SCHIP1: variants seen among roughly 807,000 people sequenced by gnomAD.
The protein encoded by SCHIP1 is schwannomin-interacting protein 1.
In SCHIP1, 8 loss-of-function variants were observed where a neutral mutation model predicts 29.7. That is an observed-to-expected ratio of 0.27 (90% CI 0.16 to 0.49). The LOEUF is 0.49. Among genes scored for constraint, SCHIP1 ranks in the 20% least tolerant of loss-of-function variants. The pLI, the probability that SCHIP1 is intolerant of heterozygous loss-of-function variation, is 0.99. For synonymous variants in SCHIP1, 76 were observed against 94.9 expected (o/e 0.80, Z 1.16); for missense variants, 193 against 294.6 (o/e 0.66, Z 2.52).
chr3:159,765,466 G>T, the SCHIP1 span: 1 of 269,456 alleles, frequency 3.7e-6, no homozygotes, highest in Non-Finnish European at 6.9e-6. Flanking sequence ...AATAAATCCG[G>T]GGAGATTCTG....
chr3:159,451,823 C>G, the SCHIP1 span, among the ~76,000 whole-genome samples: 2 of 152,116 alleles, frequency 1.3e-5, no homozygotes, highest in African/African-American at 4.8e-5. Context: ...GCTGTGAGAG[C>G]TGAGGAGAAA....
chr3:159,437,606 A>AG, the SCHIP1 span, among the ~76,000 whole-genome samples: 2 of 151,866 alleles, frequency 1.3e-5, no homozygotes, highest in Non-Finnish European at 2.9e-5. Context: ...GAGACGGTGG[A>AG]GGGGGAAATT....
At chr3:159,750,296 TAC>T in the SCHIP1 span, among the ~76,000 whole-genome samples, 1,603 of 132,524 alleles carry the variant, frequency 0.012, 33 homozygotes, top group African/African-American at 0.043. Flanking sequence ...TATATATATA[TAC>T]ACACACACAC....
the SCHIP1 span, among the ~76,000 whole-genome samples, chr3:159,785,577 T>TG: frequency 7.5e-6 from 1 of 133,784 alleles, no homozygotes; most frequent in African/African-American, 3.1e-5. Flanking sequence ...ATAGTTTTGT[T>TG]GGTTTTTTTT....
At chr3:159,585,225 C>A in the SCHIP1 span, among the ~76,000 whole-genome samples, 1,879 of 152,088 alleles carry the variant, frequency 0.012, 31 homozygotes, top group African/African-American at 0.043. Context: ...ACAAGGGCAA[C>A]AATCTTTGCT....
At chr3:159,451,319 C>A in the SCHIP1 span, among the ~76,000 whole-genome samples, 3 of 152,164 alleles carry the variant, frequency 2.0e-5, no homozygotes, top group Non-Finnish European at 4.4e-5. Flanking sequence ...TGCCAGTGGG[C>A]AAGAGTGTTA....
the SCHIP1 span, among the ~76,000 whole-genome samples, chr3:159,689,683 A>G: frequency 3.3e-5 from 5 of 152,336 alleles, 1 homozygote; most frequent in Admixed American, 3.3e-4. Flanking sequence ...GCCAGTTTTC[A>G]AAGAGAATGC....
At chr3:159,403,067 T>C in the SCHIP1 span, among the ~76,000 whole-genome samples, 1 of 152,180 alleles carries the variant, frequency 6.6e-6, no homozygotes, top group Non-Finnish European at 1.5e-5. Flanking sequence ...CCAGGGACTC[T>C]GAAACTGACA....
the SCHIP1 span, among the ~76,000 whole-genome samples, chr3:159,304,415 A>G: frequency 1.3e-5 from 2 of 152,244 alleles, no homozygotes; most frequent in Admixed American, 1.3e-4. Context: ...ATAGTCCATA[A>G]TTTCCTTAAT....
chr3:159,391,947 T>G, the SCHIP1 span, among the ~76,000 whole-genome samples: 3 of 152,160 alleles, frequency 2.0e-5, no homozygotes, highest in East Asian at 5.8e-4. Flanking sequence ...TCAGACTGTG[T>G]TTTTGGGTTT....
chr3:159,484,508 CCAGAAT>C, the SCHIP1 span, among the ~76,000 whole-genome samples: 1 of 152,074 alleles, frequency 6.6e-6, no homozygotes, highest in Non-Finnish European at 1.5e-5. Flanking sequence ...TTTTTCTAAG[CCAGAAT>C]CAGAATCAAG....
the SCHIP1 span, among the ~76,000 whole-genome samples, chr3:159,577,039 A>G: frequency 1.3e-5 from 2 of 152,188 alleles, no homozygotes; most frequent in Non-Finnish European, 1.5e-5. Context: ...ATTTTTTGTT[A>G]TAATAGTTAA....
chr3:159,609,061 C>G, the SCHIP1 span, among the ~76,000 whole-genome samples: 16 of 152,316 alleles, frequency 1.1e-4, no homozygotes, highest in African/African-American at 3.6e-4. Context: ...ATAACCTCTA[C>G]TCTTGAGGAG....
the SCHIP1 span, among the ~76,000 whole-genome samples, chr3:159,282,277 G>A: frequency 6.6e-6 from 1 of 151,902 alleles, no homozygotes; most frequent in African/African-American, 2.4e-5. Flanking sequence ...AGTGGCCTGT[G>A]TTTAAAACCT....
At chr3:159,569,401 T>C in the SCHIP1 span, among the ~76,000 whole-genome samples, 4 of 152,236 alleles carry the variant, frequency 2.6e-5, no homozygotes, top group African/African-American at 9.6e-5. Context: ...CCCACCTATA[T>C]GTGAGAACAT....
At chr3:159,383,472 T>C in the SCHIP1 span, among the ~76,000 whole-genome samples, 1 of 151,996 alleles carries the variant, frequency 6.6e-6, no homozygotes, top group Non-Finnish European at 1.5e-5. Flanking sequence ...TCTATATCTC[T>C]CTTTTGGTAC....
the SCHIP1 span, among the ~76,000 whole-genome samples, chr3:159,821,394 G>T: frequency 2.4e-4 from 36 of 152,316 alleles, no homozygotes; most frequent in Middle Eastern, 3.4e-3. Flanking sequence ...TAGTGGTCAT[G>T]AATTTAAATG....
At chr3:159,716,008 A>G in the SCHIP1 span, among the ~76,000 whole-genome samples, 25 of 152,234 alleles carry the variant, frequency 1.6e-4, no homozygotes, top group Non-Finnish European at 2.9e-4. Context: ...GAGAAAGGTC[A>G]GGTTACCCAC....
the SCHIP1 span, among the ~76,000 whole-genome samples, chr3:159,654,824 A>T: frequency 6.6e-6 from 1 of 151,126 alleles, no homozygotes; most frequent in African/African-American, 2.4e-5. Context: ...AAAAAAAAAA[A>T]ATCCTCACAA....
Sources: allele counts gnomAD v4.1 joint callset (sites outside exome capture counted in the v4.1 genomes callset), GRCh38; gene constraint gnomAD v4.1.1; transcripts MANE v1.5; gene names NCBI Gene and HGNC (gene_info 2026-07-23, HGNC 2026-07-21).